IL17RD: variants seen among roughly 807,000 people sequenced by gnomAD.
The protein encoded by IL17RD is interleukin-17 receptor D.
IL17RD carries 52 observed loss-of-function variants against 80.5 expected under a neutral mutation model. The observed-to-expected ratio is 0.65, with a 90% CI of 0.52 to 0.81. The LOEUF is 0.81. IL17RD is among the 40% of genes least tolerant of loss of function. The probability of loss-of-function intolerance (pLI) is 0.00; values close to 1 mark genes in which losing one functional copy is unlikely to be tolerated. For synonymous variants in IL17RD, 416 were observed against 391.8 expected, an observed-to-expected ratio of 1.06 and a Z score of -0.73; for missense variants, 1,024 against 955.1, an observed-to-expected ratio of 1.07 and a Z score of -0.95.
intron 1 of IL17RD, among the ~76,000 whole-genome samples, chr3:57,140,975 C>T (rs1707817485): frequency 6.6e-6 from 1 of 151,998 alleles, no homozygotes; most frequent in Non-Finnish European, 1.5e-5. Context: ...CTCACTGCAG[C>T]CTCCAACTCC....
At chr3:57,159,447 C>T (rs1257436840) in intron 1 of IL17RD, among the ~76,000 whole-genome samples, 6 of 152,174 alleles carry the variant, frequency 3.9e-5, no homozygotes, top group Non-Finnish European at 7.3e-5. Context: ...TACTTCCCAC[C>T]GGGAAGAGCT....
chr3:57,117,956 T>C (rs1168624920), intron 2 of IL17RD, among the ~76,000 whole-genome samples: 1 of 152,128 alleles, frequency 6.6e-6, no homozygotes, highest in Non-Finnish European at 1.5e-5. Context: ...GGCATAGGTA[T>C]GTGGGCCAAA....
intron 2 of IL17RD, among the ~76,000 whole-genome samples, chr3:57,115,254 T>C (rs566365263): frequency 2.0e-5 from 3 of 152,324 alleles, no homozygotes; most frequent in East Asian, 1.9e-4. Context: ...GGCCAGGTGA[T>C]TGGGGGAAAG....
At chr3:57,131,362 C>A (rs929665964) in intron 1 of IL17RD, among the ~76,000 whole-genome samples, 2 of 152,156 alleles carry the variant, frequency 1.3e-5, no homozygotes, top group African/African-American at 4.8e-5. Context: ...AAAATACCAC[C>A]GTCCTGCCTT....
At chr3:57,147,478 C>T (rs1559484032) in intron 1 of IL17RD, among the ~76,000 whole-genome samples, 1 of 152,190 alleles carries the variant, frequency 6.6e-6, no homozygotes, top group Non-Finnish European at 1.5e-5. Flanking sequence ...AGCTGGTAAA[C>T]ATGTATGAAA....
At chr3:57,135,145 CA>C (rs113125013) in intron 1 of IL17RD, among the ~76,000 whole-genome samples, 2 of 151,420 alleles carry the variant, frequency 1.3e-5, no homozygotes, top group Non-Finnish European at 2.9e-5. Flanking sequence ...AAAAAACACA[CA>C]AAAAAAACAA....
At chr3:57,153,384 C>T (rs2060242842) in intron 1 of IL17RD, among the ~76,000 whole-genome samples, 1 of 152,140 alleles carries the variant, frequency 6.6e-6, no homozygotes, top group South Asian at 2.1e-4. Context: ...AATATTTGAA[C>T]CTATTCATGA....
At chr3:57,160,437 C>T (rs1172940417) in intron 1 of IL17RD, among the ~76,000 whole-genome samples, 1 of 152,152 alleles carries the variant, frequency 6.6e-6, no homozygotes, top group African/African-American at 2.4e-5. Flanking sequence ...TCCTGTGCTA[C>T]TCCTTCCTGA....
chr3:57,098,857 C>T (rs1260449756), intron 11 of IL17RD, among the ~76,000 whole-genome samples: 1 of 152,254 alleles, frequency 6.6e-6, no homozygotes, highest in African/African-American at 2.4e-5. Flanking sequence ...TCACACCCTA[C>T]ATAGGATATC....
chr3:57,101,167 T>C lies in IL17RD; in HGVS notation c.1164+12A>G. 3 of 1,611,722 alleles carry C rather than the reference T, an allele frequency of 1.9e-6. No individual in the cohort carries two copies. Among genetic ancestry groups the C allele is most frequent in the Non-Finnish European group, 1.7e-6 (2 of 1,178,426 alleles). On this transcript the variant is annotated intron_variant, in intron 11 of 12. Transcript: ENST00000296318. ...CTGGCCAGGGTAGGAGAAGGAACTT[T>C]AGATTCCGCACCTCACAGCCACAGA...
chr3:57,151,973 C>T (rs188403938), intron 1 of IL17RD, among the ~76,000 whole-genome samples: 2 of 152,276 alleles, frequency 1.3e-5, no homozygotes, highest in African/African-American at 2.4e-5. Flanking sequence ...TTGCTTCATC[C>T]GAAGGAAATG....
chr3:57,152,700 A>C (rs2060235922), intron 1 of IL17RD, among the ~76,000 whole-genome samples: 1 of 152,248 alleles, frequency 6.6e-6, no homozygotes, highest in African/African-American at 2.4e-5. Context: ...AAGAAACAAA[A>C]GCCATGTAAT....
At chr3:57,143,470 T>C (rs1169947732) in intron 1 of IL17RD, among the ~76,000 whole-genome samples, 1 of 151,930 alleles carries the variant, frequency 6.6e-6, no homozygotes, top group East Asian at 1.9e-4. Context: ...CTCCCTAGAG[T>C]GCAAGGAACA....
Position 57,097,724 on chromosome 3 carries a change from C to T in IL17RD, c.1979G>A (p.Arg660Gln), listed in dbSNP as rs1579253296. The T allele has an allele frequency of 3.7e-6, 6 of 1,602,498 alleles. No individual in the cohort carries two copies. The highest frequency in any genetic ancestry group is 4.5e-5 in the East Asian group (2 of 44,624). ...AGACGAGTCATAGATGCCTGAGTCCCGCGGCATGTCCGAGGGGCTGCCGGC... is the reference window on the plus strand; with the variant it reads ...AGACGAGTCATAGATGCCTGAGTCCTGCGGCATGTCCGAGGGGCTGCCGGC... ...VKAGSPSDMPRDSGIYDSSVP... is the reference protein window; with the variant it reads ...VKAGSPSDMPQDSGIYDSSVP... Residue 660 changes from arginine to glutamine, a missense_variant, in exon 12 of 13, where the codon CGG becomes CAG. By Grantham distance (43) the Arg-to-Gln change is conservative. Coordinates refer to ENST00000296318, the MANE Select transcript of IL17RD (RefSeq NM_017563.5).
chr3:57,154,168 G>A (rs1330255921), intron 1 of IL17RD, among the ~76,000 whole-genome samples: 1 of 151,522 alleles, frequency 6.6e-6, no homozygotes, highest in Non-Finnish European at 1.5e-5. Flanking sequence ...AGGATTGCTG[G>A]AGCCCAGGAG....
At chr3:57,168,820 G>A (rs1396754208), upstream of IL17RD, among the ~76,000 whole-genome samples, 1 of 152,154 alleles carries the variant, frequency 6.6e-6, no homozygotes, top group Non-Finnish European at 1.5e-5. Context: ...AGGTTCAAGC[G>A]ATTCTCCTGC....
At chr3:57,114,852 A>T in intron 2 of IL17RD, 35 bp from the exon 3 acceptor site, 1 of 1,491,434 alleles carries the variant, frequency 6.7e-7, no homozygotes, top group Non-Finnish European at 9.0e-7. Context: ...AGTTAAATTT[A>T]AAATTTCATT....
chr3:57,159,089 C>T (rs2060286570), intron 1 of IL17RD, among the ~76,000 whole-genome samples: 2 of 151,880 alleles, frequency 1.3e-5, no homozygotes, highest in Non-Finnish European at 2.9e-5. Context: ...AGATAAAACA[C>T]ACACTGACTT....
At chr3:57,109,232 T>C (rs1707036121) in intron 5 of IL17RD, among the ~76,000 whole-genome samples, 1 of 152,138 alleles carries the variant, frequency 6.6e-6, no homozygotes, top group Non-Finnish European at 1.5e-5. Flanking sequence ...CACTGAAACC[T>C]CTGTCTCCCA....
Sources: allele counts gnomAD v4.1 joint callset (sites outside exome capture counted in the v4.1 genomes callset), GRCh38; gene constraint gnomAD v4.1.1; transcripts MANE v1.5; gene names NCBI Gene and HGNC (gene_info 2026-07-23, HGNC 2026-07-21).